The following ARHGEF3 variants were observed in gnomAD, a reference collection of about 807,000 sequenced individuals.
ARHGEF3 encodes 59.8 kDA protein.
In ARHGEF3, 28 loss-of-function variants were observed where a neutral mutation model predicts 63.2. That is an observed-to-expected ratio of 0.44 (90% CI 0.33 to 0.61). The LOEUF is 0.61. ARHGEF3 is among the 20% of genes least tolerant of loss of function. The pLI is 0.03. For synonymous variants in ARHGEF3, 266 were observed against 254.2 expected (o/e 1.05, Z -0.44); for missense variants, 533 against 659.3 (o/e 0.81, Z 2.10).
intron 3 of ARHGEF3, among the ~76,000 whole-genome samples, chr3:56,905,635 A>G (rs2041658997): frequency 6.6e-6 from 1 of 152,210 alleles, no homozygotes; most frequent in Non-Finnish European, 1.5e-5. Context: ...AGTTTGCTAA[A>G]CATTGCCAAT....
At chr3:56,807,168 G>A (rs992340925) in intron 4 of ARHGEF3, among the ~76,000 whole-genome samples, 3 of 152,100 alleles carry the variant, frequency 2.0e-5, no homozygotes, top group Non-Finnish European at 2.9e-5. Flanking sequence ...TTACAGGTGG[G>A]AGCCACCGCG....
intron 4 of ARHGEF3, among the ~76,000 whole-genome samples, chr3:56,871,033 ATCTAAC>A (rs2040417502): frequency 6.6e-6 from 1 of 152,166 alleles, no homozygotes. Flanking sequence ...TTATCTATCT[ATCTAAC>A]TCTATCTAAA....
At chr3:56,968,214 AT>A (rs1700717200) in intron 2 of ARHGEF3, among the ~76,000 whole-genome samples, 3 of 28,364 alleles carry the variant, frequency 1.1e-4, no homozygotes, top group Non-Finnish European at 2.0e-4. Context: ...AAAAATATAT[AT>A]TATATATAAT....
chr3:56,747,064 C>CAG (rs5849167), intron 6 of ARHGEF3, among the ~76,000 whole-genome samples: 15,203 of 148,146 alleles, frequency 0.1, 869 homozygotes, highest in Admixed American at 0.18. Flanking sequence ...CACACACACA[C>CAG]AGAGAGAGAG....
In ARHGEF3 at chr3:56,998,114, G is replaced by A. The variant is rs375083849; in HGVS notation, c.62+36974C>T. 9.9e-5 allele frequency among the ~76,000 whole-genome samples: 15 copies of A among 152,232 alleles called. No individual in the cohort carries two copies. In the East Asian group the frequency reaches 1.9e-3, roughly 20 times the overall value. ...TCAGTAACATCGCAAACTGCTGCTC[G>A]CTTCCCAGTGCCAAATTTTTACAGT... is the stretch of plus-strand genomic sequence containing the variant. On this transcript the variant is annotated intron_variant, in intron 2 of 12. Coordinates refer to the ARHGEF3 transcript ENST00000338458.
At chr3:56,893,360 G>A (rs1289310645) in intron 3 of ARHGEF3, among the ~76,000 whole-genome samples, 2 of 152,084 alleles carry the variant, frequency 1.3e-5, no homozygotes, top group Non-Finnish European at 2.9e-5. Flanking sequence ...TTACTGTTAT[G>A]TAGAGATAGG....
rs75920571 is a variant in ARHGEF3 at position 56,851,336 on chromosome 3, A to G, written c.192+30956T>C. On this transcript the variant is annotated intron_variant, in intron 4 of 12. Transcript: ENST00000338458. ...AATCATCCTCACCTGGACTATCTCT[A>G]TCACCTCCTAATGGGCTTTTGTCTC... Among the ~76,000 whole-genome samples, 288 of 152,106 alleles carry G rather than the reference A, an allele frequency of 1.9e-3. 1 individual carries two copies. Among genetic ancestry groups the G allele is most frequent in the African/African-American group, 6.7e-3 (279 of 41,490 alleles).
intron 2 of ARHGEF3, chr3:56,975,832 AT>A (rs1261806773): frequency 2.9e-5 from 12 of 410,764 alleles, no homozygotes; most frequent in Non-Finnish European, 4.7e-5. Context: ...TTAAAAAAAA[AT>A]AATAAAAACA....
chr3:56,810,919 T>G (rs1190923620), intron 4 of ARHGEF3, among the ~76,000 whole-genome samples: 7 of 152,138 alleles, frequency 4.6e-5, no homozygotes, highest in Non-Finnish European at 1.0e-4. Context: ...GCAAGCCCAA[T>G]AATGATCCCC....
At chr3:56,950,833 T>C (rs574038786) in intron 3 of ARHGEF3, among the ~76,000 whole-genome samples, 1 of 152,148 alleles carries the variant, frequency 6.6e-6, no homozygotes, top group African/African-American at 2.4e-5. Flanking sequence ...TGCACACGTA[T>C]GTTTATTGCA....
chr3:56,959,706 G>A (rs11706143), intron 2 of ARHGEF3, among the ~76,000 whole-genome samples: 17,557 of 152,146 alleles, frequency 0.12, 1,272 homozygotes, highest in East Asian at 0.25. Flanking sequence ...GGCCAGGTGC[G>A]GTGGCTCACG....
At chr3:56,729,993 G>C (rs985230897) in intron 9 of ARHGEF3, among the ~76,000 whole-genome samples, 3 of 152,150 alleles carry the variant, frequency 2.0e-5, no homozygotes, top group Non-Finnish European at 4.4e-5. Context: ...GCTGAAGTGG[G>C]AGCACTGCTT....
intron 3 of ARHGEF3, among the ~76,000 whole-genome samples, chr3:56,891,008 G>A (rs997157719): frequency 3.9e-5 from 6 of 151,962 alleles, no homozygotes; most frequent in African/African-American, 7.3e-5. Context: ...CTTTCTTTGC[G>A]GAAAGATTAG....
chr3:56,733,942 C>A lies in ARHGEF3; in HGVS notation c.1042-1518G>T, dbSNP rs905088976. 2.8e-5 allele frequency among the ~76,000 whole-genome samples: 4 copies of A among 143,014 alleles called. 1 individual carries two copies. 93.8% of individuals were successfully genotyped at this position (143,014 alleles called of 152,430 possible). ...GAGGTTGCAGTGAGCTGAGATCGGG[C>A]CATTGCACTCCAGTCTGGGCGACAA... On this transcript the variant is annotated intron_variant, in intron 8 of 9. Transcript: ENST00000296315.
At chr3:56,891,341 C>CT (rs146940929) in intron 3 of ARHGEF3, among the ~76,000 whole-genome samples, 16,439 of 140,454 alleles carry the variant, frequency 0.12, 1,189 homozygotes, top group East Asian at 0.21. Context: ...TAGTACACTG[C>CT]TTTTTTTTTT....
Position 56,961,070 on chromosome 3 carries a change from A to G in ARHGEF3, c.63-2181T>C, listed in dbSNP as rs141382853. Reference sequence around the variant, plus strand: ...TATCACAATAATTAACACAGATTCAATTACAGATGTGCCCAGGACTAAGCA... The same window carrying G: ...TATCACAATAATTAACACAGATTCAGTTACAGATGTGCCCAGGACTAAGCA... On this transcript the variant is annotated intron_variant, in intron 2 of 12. Coordinates refer to the ARHGEF3 transcript ENST00000338458. 2.0e-3 allele frequency among the ~76,000 whole-genome samples: 308 copies of G among 152,354 alleles called. 3 individuals carry two copies. Among genetic ancestry groups the G allele is most frequent in the African/African-American group, 7.0e-3 (292 of 41,594 alleles).
intron 4 of ARHGEF3, among the ~76,000 whole-genome samples, chr3:56,842,798 C>T (rs1335499248): frequency 6.6e-6 from 1 of 152,140 alleles, no homozygotes; most frequent in Non-Finnish European, 1.5e-5. Context: ...CAGATAATGG[C>T]CAGACATCAA....
At chr3:57,048,241 T>C in intron 1 of ARHGEF3, among the ~76,000 whole-genome samples, 1 of 152,142 alleles carries the variant, frequency 6.6e-6, no homozygotes, top group East Asian at 1.9e-4. Flanking sequence ...ACACCCACAG[T>C]GCACATGAGA....
intron 4 of ARHGEF3, chr3:56,882,254 C>T (rs930100189): frequency 1.1e-4 from 165 of 1,525,212 alleles, no homozygotes; most frequent in Admixed American, 7.7e-4. Flanking sequence ...AAGAGAGATG[C>T]TCTCGGTGCC....
Sources: gnomAD v4.1 joint callset for allele counts (sites outside exome capture counted in the v4.1 genomes callset) on GRCh38, gnomAD v4.1.1 for gene constraint, MANE v1.5 for transcripts, NCBI Gene and HGNC (gene_info 2026-07-23, HGNC 2026-07-21) for gene names.